The following ABCC4 variants were observed in gnomAD, a reference collection of about 807,000 sequenced individuals.
ABCC4 encodes ATP binding cassette subfamily C member 4 (PEL blood group), also known as ATP-binding cassette sub-family C member 4.
ABCC4 carries 102 observed loss-of-function variants against 168.5 expected under a neutral mutation model. The ratio of observed to expected loss-of-function variants is 0.61; its 90% CI spans 0.52 to 0.71. The LOEUF (loss-of-function observed/expected upper bound fraction) is 0.71. Among genes scored for constraint, ABCC4 ranks in the 30% least tolerant of loss-of-function variants. The pLI is 0.00. For missense variants in ABCC4, 1,402 were observed against 1,605.8 expected, an observed-to-expected ratio of 0.87 and a Z score of 2.17; for synonymous variants, 617 against 590.7, an observed-to-expected ratio of 1.04 and a Z score of -0.65.
intron 20 of ABCC4, among the ~76,000 whole-genome samples, chr13:95,089,140 A>G (rs527328505): frequency 6.6e-6 from 1 of 152,284 alleles, no homozygotes; most frequent in South Asian, 2.1e-4. Context: ...AAAAACCTAA[A>G]TCTGAATAAT....
At chr13:95,163,094 T>C (rs778203156) in intron 18 of ABCC4, 28 bp downstream of exon 18, 5 of 1,538,316 alleles carry the variant, frequency 3.3e-6, no homozygotes, top group Admixed American at 1.7e-5. Context: ...CAGCCTCTCA[T>C]ACAATACACC....
chr13:95,254,364 T>TAA (rs68119068), intron 1 of ABCC4, among the ~76,000 whole-genome samples: 2 of 151,254 alleles, frequency 1.3e-5, no homozygotes, highest in Non-Finnish European at 2.9e-5. Context: ...TAATTTTGCT[T>TAA]AAAAAAAAAC....
chr13:95,177,734 G>A lies in ABCC4; in HGVS notation c.1700C>T (p.Ala567Val), dbSNP rs749230800. ...LLDDPLSAVD[A>V]EVSRHLFELC... is the part of the protein sequence containing the mutation. ...TTCGAACAAGTGTCTGCTAACTTCCGCATCTACTGCACTGAGAGGATCGTC... is the reference window on the plus strand; with the variant it reads ...TTCGAACAAGTGTCTGCTAACTTCCACATCTACTGCACTGAGAGGATCGTC... The change falls in exon 13 of 31, where the codon GCG becomes GTG. Residue 567 changes from alanine to valine, a missense_variant. By Grantham distance (64) the Ala-to-Val change is moderately conservative. This residue lies in a region of ABCC4 where 1,007 missense variants were observed against 1,127.3 expected (regional missense o/e 0.89). Transcript: ENST00000645237. The A allele has an allele frequency of 3.7e-5, 59 of 1,610,410 alleles. No individual in the cohort carries two copies. Among genetic ancestry groups the A allele is most frequent in the East Asian group, 6.7e-5 (3 of 44,770 alleles).
chr13:95,145,865 C>T (rs891648105), intron 19 of ABCC4, among the ~76,000 whole-genome samples: 1 of 152,154 alleles, frequency 6.6e-6, no homozygotes, highest in African/African-American at 2.4e-5. Flanking sequence ...CCAAATATCA[C>T]ATGTTTTCAC....
chr13:95,124,943 T>C (rs562664102), intron 19 of ABCC4, among the ~76,000 whole-genome samples: 9 of 151,768 alleles, frequency 5.9e-5, no homozygotes, highest in Admixed American at 5.3e-4. Flanking sequence ...CCCAGACCAT[T>C]TTCTTAAGGC....
rs555084147 is a variant in ABCC4, at chr13:95,065,074, C to G, written c.3211-2215G>C. Among the ~76,000 whole-genome samples, 8 of 152,252 alleles carry G rather than the reference C, an allele frequency of 5.3e-5. 1 individual carries two copies. The South Asian group carries it at 1.5e-3, about 28-fold the overall frequency. On this transcript the variant is annotated intron_variant, in intron 25 of 30. Transcript: ENST00000645237. ...TATGAAACTCAACATGATTAATACC[C>G]AACAGCCCCCCTCCAAACAGCTGCT... is the stretch of plus-strand genomic sequence containing the variant.
chr13:95,226,327 G>A (rs958430086), intron 4 of ABCC4, among the ~76,000 whole-genome samples: 5 of 152,010 alleles, frequency 3.3e-5, no homozygotes, highest in African/African-American at 1.2e-4. Flanking sequence ...TTCACTATTT[G>A]ATTTATAAAG....
At chr13:95,261,850 C>A (rs571839447) in intron 1 of ABCC4, among the ~76,000 whole-genome samples, 1 of 151,956 alleles carries the variant, frequency 6.6e-6, no homozygotes, top group South Asian at 2.1e-4. Context: ...ATAATACCAG[C>A]GCTTTGGGAG....
intron 19 of ABCC4, among the ~76,000 whole-genome samples, chr13:95,136,607 C>T (rs1430728563): frequency 1.3e-5 from 2 of 152,180 alleles, no homozygotes; most frequent in South Asian, 2.1e-4. Flanking sequence ...CAAAGGAGAT[C>T]CAGTCTCAAA....
At chr13:95,129,889 A>G (rs531871363) in intron 19 of ABCC4, among the ~76,000 whole-genome samples, 27 of 152,250 alleles carry the variant, frequency 1.8e-4, no homozygotes, top group Admixed American at 4.6e-4. Flanking sequence ...AGCCTGGCCA[A>G]CGTGGTGAAA....
chr13:95,027,971 T>C (rs2031630814), intron 30 of ABCC4, among the ~76,000 whole-genome samples: 1 of 152,206 alleles, frequency 6.6e-6, no homozygotes, highest in South Asian at 2.1e-4. Context: ...CAATCCCATA[T>C]ATAGCAGACA....
chr13:95,191,895 C>A (rs1437124447), intron 9 of ABCC4, among the ~76,000 whole-genome samples: 1 of 152,208 alleles, frequency 6.6e-6, no homozygotes, highest in South Asian at 2.1e-4. Flanking sequence ...TCTGCCCCGC[C>A]GGGAGGCCTG....
chr13:95,096,842 C>G (rs918826375), intron 20 of ABCC4, among the ~76,000 whole-genome samples: 2 of 152,068 alleles, frequency 1.3e-5, no homozygotes, highest in Non-Finnish European at 2.9e-5. Flanking sequence ...GATGGAAGCT[C>G]AGACTTCAGA....
At chr13:95,205,120 G>T (rs2038744471) in intron 8 of ABCC4, among the ~76,000 whole-genome samples, 1 of 152,190 alleles carries the variant, frequency 6.6e-6, no homozygotes, top group South Asian at 2.1e-4. Flanking sequence ...ACCTGAAGCT[G>T]TTGTCAGAAA....
At chr13:95,166,808 C>T (rs934281041) in intron 14 of ABCC4, among the ~76,000 whole-genome samples, 1 of 152,188 alleles carries the variant, frequency 6.6e-6, no homozygotes, top group Non-Finnish European at 1.5e-5. Context: ...CCTCCACTGG[C>T]CATGGGCCCT....
At chr13:95,206,913 G>T in intron 7 of ABCC4, 132 bp from the exon 8 acceptor site, 1 of 996,138 alleles carries the variant, frequency 1.0e-6, no homozygotes, top group Non-Finnish European at 1.5e-6. Flanking sequence ...ACCATCCTGG[G>T]CAACAACAAC....
At chr13:95,212,309 C>G (rs1235959784) in intron 4 of ABCC4, among the ~76,000 whole-genome samples, 1 of 151,996 alleles carries the variant, frequency 6.6e-6, no homozygotes, top group Non-Finnish European at 1.5e-5. Flanking sequence ...AGGAAAGAAA[C>G]AGAACGTAAT....
At chr13:95,255,657 T>C (rs564953861) in intron 1 of ABCC4, among the ~76,000 whole-genome samples, 6 of 152,292 alleles carry the variant, frequency 3.9e-5, no homozygotes, top group African/African-American at 1.2e-4. Flanking sequence ...TCAAAGCCCA[T>C]TTTCTCATCC....
At chr13:95,131,957 A>C (rs995036658) in intron 19 of ABCC4, among the ~76,000 whole-genome samples, 1 of 152,166 alleles carries the variant, frequency 6.6e-6, no homozygotes, top group Admixed American at 6.5e-5. Context: ...ACATATATAC[A>C]CAACAGAAGA....
Sources: gnomAD v4.1 joint callset for allele counts (sites outside exome capture counted in the v4.1 genomes callset) on GRCh38, gnomAD v4.1.1 for gene constraint, gnomAD v4.1.1 regional missense constraint, MANE v1.5 for transcripts, NCBI Gene and HGNC (gene_info 2026-07-23, HGNC 2026-07-21) for gene names.